The following RPS6KA2 variants were observed in gnomAD, a reference collection of about 807,000 sequenced individuals.
RPS6KA2 encodes the protein ribosomal protein S6 kinase A2.
In RPS6KA2, 42 loss-of-function variants were observed where a neutral mutation model predicts 91.8. The observed-to-expected ratio is 0.46, with a 90% CI of 0.36 to 0.59. The LOEUF (loss-of-function observed/expected upper bound fraction) is 0.59, where lower values mean the gene tolerates loss of function less well. RPS6KA2 is among the 20% of genes least tolerant of loss of function. RPS6KA2 has a pLI of 0.00. For missense variants in RPS6KA2, 798 were observed against 978.5 expected (o/e 0.82, Z 2.46); for synonymous variants, 414 against 393.6 (o/e 1.05, Z -0.61).
At chr6:166,608,344 G>A (rs897959637) in intron 1 of RPS6KA2, among the ~76,000 whole-genome samples, 1 of 152,136 alleles carries the variant, frequency 6.6e-6, no homozygotes, top group African/African-American at 2.4e-5. Flanking sequence ...AACCTTATTT[G>A]TATGGTAGTA....
At chr6:166,594,483 G>C (rs1785466492) in intron 1 of RPS6KA2, among the ~76,000 whole-genome samples, 2 of 151,308 alleles carry the variant, frequency 1.3e-5, no homozygotes, top group African/African-American at 4.9e-5. Context: ...TCTTTTTTGA[G>C]ACGGAGTCTC....
At chr6:166,835,558 T>A (rs1460017651) in intron 2 of RPS6KA2, among the ~76,000 whole-genome samples, 1 of 152,212 alleles carries the variant, frequency 6.6e-6, no homozygotes, top group Non-Finnish European at 1.5e-5. Context: ...TTTGTTTCCT[T>A]TATAAAGAAA....
At chr6:166,489,292 TCAAA>T (rs929319524) in intron 9 of RPS6KA2, among the ~76,000 whole-genome samples, 4 of 152,254 alleles carry the variant, frequency 2.6e-5, no homozygotes, top group African/African-American at 9.6e-5. Context: ...CTATGTTTTC[TCAAA>T]CATACATATA....
At position 166,554,656 on chromosome 6, in the gene RPS6KA2, T is replaced by G. The variant is rs1343447179; in HGVS notation, c.100-15872A>C. 6.6e-6 allele frequency among the ~76,000 whole-genome samples: 1 copy of G among 152,234 alleles called. No homozygotes were observed. Among genetic ancestry groups the G allele is most frequent in the African/African-American group, 2.4e-5 (1 of 41,470 alleles). ...ACTCCAGCACAGGACTCCATCCTCC[T>G]CCACTGCAGCCTGAAAGCAGGGGGC... On this transcript the variant is annotated intron_variant, in intron 1 of 20. Transcript: ENST00000265678. This position sits in a 1 kb window ranked among gnomAD's most constrained non-coding sequence, Gnocchi z 4.3.
At chr6:166,762,363 CGTGT>C (rs151151461) in intron 2 of RPS6KA2, among the ~76,000 whole-genome samples, 2 of 151,998 alleles carry the variant, frequency 1.3e-5, no homozygotes, top group South Asian at 2.1e-4. Flanking sequence ...ATGCAGTGTG[CGTGT>C]GTGTGTTTGT....
chr6:166,745,146 GCCTTTTTTT>G (rs1790954352), intron 2 of RPS6KA2, among the ~76,000 whole-genome samples: 2 of 141,608 alleles, frequency 1.4e-5, no homozygotes, highest in African/African-American at 5.5e-5. Flanking sequence ...GTCCTAATCG[GCCTTTTTTT>G]TTTTTTTTTT....
intron 2 of RPS6KA2, among the ~76,000 whole-genome samples, chr6:166,714,297 G>T (rs1583043125): frequency 6.6e-6 from 1 of 152,186 alleles, no homozygotes; most frequent in East Asian, 1.9e-4. Context: ...CACAGAAAAG[G>T]CATTTGACTC....
At chr6:166,661,499 C>A (rs1032359787) in intron 2 of RPS6KA2, among the ~76,000 whole-genome samples, 1 of 152,112 alleles carries the variant, frequency 6.6e-6, no homozygotes, top group African/African-American at 2.4e-5. Flanking sequence ...TAAATTATGT[C>A]CGAGTCCTTT....
chr6:166,496,786 C>T (rs181640752), intron 8 of RPS6KA2, among the ~76,000 whole-genome samples: 133 of 152,244 alleles, frequency 8.7e-4, no homozygotes, highest in Non-Finnish European at 1.6e-3. Context: ...CGTGGCCAGC[C>T]CTGCTCTCTG....
chr6:166,790,554 A>G (rs897768905), intron 2 of RPS6KA2, among the ~76,000 whole-genome samples: 8 of 152,128 alleles, frequency 5.3e-5, no homozygotes, highest in Non-Finnish European at 1.0e-4. Context: ...TCCAAGACAC[A>G]TAATTGTCAG....
chr6:166,650,522 G>A (rs1164317918), intron 2 of RPS6KA2, among the ~76,000 whole-genome samples: 1 of 152,022 alleles, frequency 6.6e-6, no homozygotes, highest in Admixed American at 6.5e-5. Flanking sequence ...AGGAGGAGGG[G>A]TCCGTGTTCA....
chr6:166,501,505 C>A (rs16899019), intron 6 of RPS6KA2, among the ~76,000 whole-genome samples: 1 of 152,334 alleles, frequency 6.6e-6, no homozygotes, highest in South Asian at 2.1e-4. Flanking sequence ...GCTTGGCACC[C>A]CTGCGGGCCA....
chr6:166,647,908 A>G (rs1787683540), intron 2 of RPS6KA2, among the ~76,000 whole-genome samples: 1 of 150,806 alleles, frequency 6.6e-6, no homozygotes, highest in Admixed American at 6.6e-5. Context: ...ATGCTCACAC[A>G]CATGCACATG....
intron 3 of RPS6KA2, among the ~76,000 whole-genome samples, chr6:166,523,747 G>A (rs888534537): frequency 1.7e-4 from 26 of 152,160 alleles, no homozygotes; most frequent in Admixed American, 2.0e-4. Context: ...CAGATTGATC[G>A]GAGCTGAGTT....
At chr6:166,840,860 G>A (rs1376615442) in intron 2 of RPS6KA2, among the ~76,000 whole-genome samples, 1 of 152,190 alleles carries the variant, frequency 6.6e-6, no homozygotes, top group African/African-American at 2.4e-5. Context: ...CTACTCAGGA[G>A]ACTGAGGCAG....
chr6:166,698,421 G>A (rs1372727751), intron 2 of RPS6KA2, among the ~76,000 whole-genome samples: 1 of 152,180 alleles, frequency 6.6e-6, no homozygotes, highest in African/African-American at 2.4e-5. Context: ...CAATGGAGAA[G>A]GTTGAAAACA....
intron 14 of RPS6KA2, among the ~76,000 whole-genome samples, chr6:166,436,867 C>T (rs369268522): frequency 1.6e-4 from 24 of 152,200 alleles, no homozygotes; most frequent in African/African-American, 4.1e-4. Context: ...GGTTCTCACA[C>T]GACCCTCCTG....
At chr6:166,604,665 G>A (rs1313723600) in intron 1 of RPS6KA2, among the ~76,000 whole-genome samples, 1 of 152,246 alleles carries the variant, frequency 6.6e-6, no homozygotes. Context: ...AATATGGACA[G>A]TGCTCAGAAC....
At chr6:166,783,514 GATAGACAGAT>G (rs1778827344) in intron 2 of RPS6KA2, among the ~76,000 whole-genome samples, 2 of 151,994 alleles carry the variant, frequency 1.3e-5, no homozygotes, top group African/African-American at 2.4e-5. Flanking sequence ...TCTCTCTCTA[GATAGACAGAT>G]ATAGATACAA....
Sources: allele counts gnomAD v4.1 joint callset (sites outside exome capture counted in the v4.1 genomes callset), GRCh38; gene constraint gnomAD v4.1.1; non-coding constraint Gnocchi (gnomAD v3.1); transcripts MANE v1.5; gene names NCBI Gene and HGNC (gene_info 2026-07-23, HGNC 2026-07-21).